The following ANKS1B variants were observed in gnomAD, a reference collection of about 807,000 sequenced individuals.
ANKS1B encodes the protein ankyrin repeat and sterile alpha motif domain-containing protein 1B.
In ANKS1B, 36 loss-of-function variants were observed where a neutral mutation model predicts 148.3. The ratio of observed to expected loss-of-function variants is 0.24; its 90% CI spans 0.19 to 0.32. The LOEUF (loss-of-function observed/expected upper bound fraction) is 0.32, where lower values mean the gene tolerates loss of function less well. Ranked by LOEUF, ANKS1B falls within the 10% of genes least tolerant of loss-of-function variation. The pLI is 1.00. For synonymous variants in ANKS1B, 542 were observed against 560.8 expected, an observed-to-expected ratio of 0.97 and a Z score of 0.47; for missense variants, 1,157 against 1,542.6, an observed-to-expected ratio of 0.75 and a Z score of 4.19.
intron 17 of ANKS1B, chr12:98,976,342 G>A (rs1309988149): frequency 6.6e-6 from 1 of 152,208 alleles, no homozygotes; most frequent in Non-Finnish European, 1.5e-5. Flanking sequence ...ATGCTAGAGG[G>A]CCTTGGGAAG....
At chr12:98,769,142 GAGGTATTAT>G (rs2098531445) in intron 25 of ANKS1B, among the ~76,000 whole-genome samples, 1 of 132,950 alleles carries the variant, frequency 7.5e-6, no homozygotes, top group Non-Finnish European at 1.6e-5. Flanking sequence ...ATGTGTATTT[GAGGTATTAT>G]AGGGTCTTCT....
intron 1 of ANKS1B, among the ~76,000 whole-genome samples, chr12:99,947,050 C>T (rs2095082487): frequency 6.6e-6 from 1 of 152,084 alleles, no homozygotes; most frequent in African/African-American, 2.4e-5. Context: ...ACCTGTGGCT[C>T]TTTAGGAAGA....
At chr12:99,640,849 C>T (rs1567541302) in intron 9 of ANKS1B, among the ~76,000 whole-genome samples, 1 of 152,024 alleles carries the variant, frequency 6.6e-6, no homozygotes, top group Non-Finnish European at 1.5e-5. Flanking sequence ...ACTCATGGTG[C>T]CATAAGGAGT....
intron 17 of ANKS1B, among the ~76,000 whole-genome samples, chr12:98,848,756 T>TTTTTTTTTTTTTTTTTG (rs1567129301): frequency 2.8e-5 from 4 of 140,506 alleles, no homozygotes; most frequent in African/African-American, 1.1e-4. Flanking sequence ...TTTTTTTTTT[T>TTTTTTTTTTTTTTTTTG]GAGACGGAGT....
intron 2 of ANKS1B, among the ~76,000 whole-genome samples, chr12:99,813,179 C>G (rs1331961353): frequency 6.6e-6 from 1 of 151,516 alleles, no homozygotes; most frequent in Non-Finnish European, 1.5e-5. Flanking sequence ...TAATCCCCAC[C>G]AGGTTTTCAA....
intron 1 of ANKS1B, among the ~76,000 whole-genome samples, chr12:99,856,817 T>C (rs760050324): frequency 6.6e-6 from 1 of 152,108 alleles, no homozygotes; most frequent in Non-Finnish European, 1.5e-5. Context: ...GAAAAAGCAT[T>C]TGACAAATTC....
intron 3 of ANKS1B, among the ~76,000 whole-genome samples, chr12:99,808,814 A>G (rs923746817): frequency 1.3e-5 from 2 of 152,106 alleles, no homozygotes; most frequent in African/African-American, 4.8e-5. Context: ...TGATTCCTCA[A>G]AGGCCTCTCT....
At chr12:99,269,111 A>G (rs1245382948) in intron 12 of ANKS1B, among the ~76,000 whole-genome samples, 1 of 152,244 alleles carries the variant, frequency 6.6e-6, no homozygotes, top group African/African-American at 2.4e-5. Flanking sequence ...ATAAAAATAC[A>G]TTCTCTAATT....
intron 16 of ANKS1B, among the ~76,000 whole-genome samples, chr12:99,065,145 T>C (rs2043696102): frequency 6.6e-6 from 1 of 152,210 alleles, no homozygotes; most frequent in Non-Finnish European, 1.5e-5. Context: ...GTCTCTTTTT[T>C]TCTCTGACAG....
intron 8 of ANKS1B, among the ~76,000 whole-genome samples, chr12:99,749,541 A>C (rs992038512): frequency 1.3e-5 from 2 of 152,098 alleles, no homozygotes; most frequent in Non-Finnish European, 2.9e-5. Context: ...GGTTTTGAAG[A>C]GATACATGGA....
chr12:99,717,154 A>G (rs1182779633), intron 8 of ANKS1B, among the ~76,000 whole-genome samples: 1 of 152,156 alleles, frequency 6.6e-6, no homozygotes, highest in Non-Finnish European at 1.5e-5. Context: ...CCTGGACCCT[A>G]AAAGGTCAAA....
At chr12:99,234,433 C>G (rs549204342) in intron 14 of ANKS1B, among the ~76,000 whole-genome samples, 17 of 152,218 alleles carry the variant, frequency 1.1e-4, no homozygotes, top group African/African-American at 3.9e-4. Context: ...AACTGACACA[C>G]CACAACAATT....
intron 15 of ANKS1B, among the ~76,000 whole-genome samples, chr12:99,124,405 C>G (rs573024406): frequency 4.0e-5 from 5 of 125,954 alleles, no homozygotes; most frequent in Non-Finnish European, 8.3e-5. Flanking sequence ...CATGCACAAA[C>G]TTATTTGTGT....
intron 9 of ANKS1B, among the ~76,000 whole-genome samples, chr12:99,545,092 T>C (rs2097160394): frequency 6.6e-6 from 1 of 152,164 alleles, no homozygotes; most frequent in Admixed American, 6.6e-5. Context: ...TAAGATATGA[T>C]TAATTGCACA....
intron 1 of ANKS1B, among the ~76,000 whole-genome samples, chr12:99,877,826 G>A (rs942431144): frequency 2.6e-5 from 4 of 152,172 alleles, no homozygotes; most frequent in South Asian, 4.1e-4. Context: ...GGAGGCCAAG[G>A]TGAGTGGATC....
chr12:99,687,646 TATTC>T (rs1381348532), intron 8 of ANKS1B, among the ~76,000 whole-genome samples: 42 of 152,334 alleles, frequency 2.8e-4, no homozygotes, highest in Admixed American at 1.2e-3. Context: ...TCAGCTATCA[TATTC>T]ATTATCTCCA....
chr12:98,738,193 A>G (rs1009939150), intron 9 of ANKS1B, among the ~76,000 whole-genome samples: 4 of 152,224 alleles, frequency 2.6e-5, no homozygotes, highest in Non-Finnish European at 5.9e-5. Context: ...AAATGATGTG[A>G]GAAAACCAGA....
chr12:98,829,548 G>A lies in ANKS1B; in HGVS notation c.2887-195C>T, dbSNP rs745820798. On this transcript the variant is annotated intron_variant, in intron 18 of 26. Transcript: ENST00000683438. This position sits in a 1 kb window ranked among gnomAD's most constrained non-coding sequence, Gnocchi z 5.2. ...TACGTTTTTCCCCTAAGTATTTCAGGTCAAAGGTCTGAAATATCAAGAGTC... is the reference window on the plus strand; with the variant it reads ...TACGTTTTTCCCCTAAGTATTTCAGATCAAAGGTCTGAAATATCAAGAGTC... Among the ~76,000 whole-genome samples, 2 of 152,260 alleles carry A rather than the reference G, an allele frequency of 1.3e-5. No homozygotes were observed. Among genetic ancestry groups the A allele is most frequent in the Non-Finnish European group, 2.9e-5 (2 of 68,020 alleles).
intron 19 of ANKS1B, among the ~76,000 whole-genome samples, chr12:98,816,394 C>A (rs1172474633): frequency 6.6e-6 from 1 of 152,202 alleles, no homozygotes; most frequent in East Asian, 1.9e-4. Context: ...CTCCTAGGTT[C>A]AAATGATTCT....
Sources: gnomAD v4.1 joint callset for allele counts (sites outside exome capture counted in the v4.1 genomes callset) on GRCh38, gnomAD v4.1.1 for gene constraint, Gnocchi (gnomAD v3.1) non-coding constraint, MANE v1.5 for transcripts, NCBI Gene and HGNC (gene_info 2026-07-23, HGNC 2026-07-21) for gene names.